Variants in TSPAN9 observed in about 807,000 individuals in gnomAD.
TSPAN9 encodes tetraspanin-9.
A neutral mutation model predicts 31.0 loss-of-function variants in TSPAN9; 16 were observed. The ratio of observed to expected loss-of-function variants is 0.52; its 90% CI spans 0.35 to 0.78. TSPAN9 has a LOEUF of 0.78. TSPAN9 is among the 30% of genes least tolerant of loss of function. The pLI is 0.01. For synonymous variants in TSPAN9, 145 were observed against 121.6 expected (o/e 1.19, Z -1.27); for missense variants, 272 against 312.5 (o/e 0.87, Z 0.98).
intron 2 of TSPAN9, among the ~76,000 whole-genome samples, chr12:3,165,793 C>T (rs1167973634): frequency 6.6e-6 from 1 of 152,214 alleles, no homozygotes; most frequent in Non-Finnish European, 1.5e-5. Flanking sequence ...GTATTCTCGT[C>T]CTGCTGCCTC....
At chr12:3,281,148 A>G in intron 6 of TSPAN9, 50 bp from the exon 7 acceptor site, 1 of 1,547,056 alleles carries the variant, frequency 6.5e-7, no homozygotes, top group African/African-American at 1.4e-5. Context: ...CTGGGGAGGA[A>G]GGGGCGGGCC....
At chr12:3,201,310 C>T (rs1333718367) in intron 3 of TSPAN9, 54 bp downstream of exon 3, 2 of 1,538,502 alleles carry the variant, frequency 1.3e-6, no homozygotes, top group Non-Finnish European at 1.8e-6. Flanking sequence ...TCTTGGCTTA[C>T]CATAGCGTGA....
intron 2 of TSPAN9, chr12:3,151,129 T>G (rs1591649621): frequency 6.6e-6 from 1 of 152,272 alleles, no homozygotes; most frequent in African/African-American, 2.4e-5. Context: ...TAGTGCACTG[T>G]CAGTCACACA....
intron 2 of TSPAN9, among the ~76,000 whole-genome samples, chr12:3,146,366 G>A (rs879446525): frequency 8.6e-5 from 13 of 151,966 alleles, no homozygotes; most frequent in Non-Finnish European, 1.6e-4. Flanking sequence ...TCTGAAAAGA[G>A]GGCTTTTCTT....
chr12:3,118,239 C>A (rs1274939811), intron 2 of TSPAN9, among the ~76,000 whole-genome samples: 1 of 130,640 alleles, frequency 7.7e-6, no homozygotes, highest in African/African-American at 2.9e-5. Context: ...TGATTCCGCA[C>A]CGCCCCTGCA....
intron 3 of TSPAN9, among the ~76,000 whole-genome samples, chr12:3,271,232 A>G (rs759553699): frequency 3.9e-5 from 6 of 152,246 alleles, no homozygotes; most frequent in Non-Finnish European, 7.3e-5. Context: ...GGGGTCCAAC[A>G]GTAATGACCA....
intron 2 of TSPAN9, among the ~76,000 whole-genome samples, chr12:3,118,261 T>TTTTTTTTTTTTTTTTC (rs2098323451): frequency 1.8e-5 from 1 of 54,118 alleles, no homozygotes; most frequent in Non-Finnish European, 3.5e-5. Context: ...CCGCCGTTTT[T>TTTTTTTTTTTTTTTTC]TTTTTTTTTT....
At chr12:3,227,753 T>C (rs1300265361) in intron 3 of TSPAN9, among the ~76,000 whole-genome samples, 1 of 152,144 alleles carries the variant, frequency 6.6e-6, no homozygotes, top group East Asian at 1.9e-4. Context: ...GTGTGCTCAC[T>C]TGCAGCTGGG....
chr12:3,259,784 C>T (rs775240952), intron 3 of TSPAN9, among the ~76,000 whole-genome samples: 3 of 152,166 alleles, frequency 2.0e-5, no homozygotes, highest in African/African-American at 4.8e-5. Context: ...TCTTGTCGGC[C>T]GTGGGAAGGA....
intron 2 of TSPAN9, among the ~76,000 whole-genome samples, chr12:3,120,414 C>T (rs774074106): frequency 6.6e-6 from 1 of 152,182 alleles, no homozygotes; most frequent in Non-Finnish European, 1.5e-5. Flanking sequence ...CCTTGTGCCA[C>T]CAGCAGCCAC....
At chr12:3,174,664 G>A (rs941963339) in intron 2 of TSPAN9, among the ~76,000 whole-genome samples, 4 of 151,960 alleles carry the variant, frequency 2.6e-5, no homozygotes, top group African/African-American at 9.7e-5. Flanking sequence ...CTCACTGCAA[G>A]CTCCGCCTCC....
chr12:3,132,836 G>A (rs12311021), intron 2 of TSPAN9, among the ~76,000 whole-genome samples: 1 of 151,864 alleles, frequency 6.6e-6, no homozygotes, highest in East Asian at 1.9e-4. Flanking sequence ...CAGCCTCATC[G>A]TCCCCACCGC....
intron 3 of TSPAN9, among the ~76,000 whole-genome samples, chr12:3,221,056 G>A (rs960730391): frequency 5.9e-5 from 9 of 152,156 alleles, no homozygotes; most frequent in Non-Finnish European, 1.0e-4. Context: ...CTGTTGGTAC[G>A]GGGAGGAGGG....
intron 2 of TSPAN9, among the ~76,000 whole-genome samples, chr12:3,175,580 C>T (rs2098355090): frequency 6.6e-6 from 1 of 151,660 alleles, no homozygotes; most frequent in Non-Finnish European, 1.5e-5. Flanking sequence ...TCACGGGAGC[C>T]CAGAGCAAGA....
At chr12:3,117,412 G>C (rs1457202086) in intron 2 of TSPAN9, among the ~76,000 whole-genome samples, 2 of 152,188 alleles carry the variant, frequency 1.3e-5, no homozygotes, top group East Asian at 3.9e-4. Context: ...AAGGGGAGGG[G>C]AGAGGAAGTG....
At chr12:3,122,271 T>A (rs1215492314) in intron 2 of TSPAN9, among the ~76,000 whole-genome samples, 1 of 136,116 alleles carries the variant, frequency 7.3e-6, no homozygotes, top group Non-Finnish European at 1.6e-5. Context: ...GAGGTGGAGC[T>A]TGCAGTGAGC....
chr12:3,193,791 C>G (rs1371464811), intron 2 of TSPAN9, among the ~76,000 whole-genome samples: 1 of 152,222 alleles, frequency 6.6e-6, no homozygotes, highest in African/African-American at 2.4e-5. Flanking sequence ...TCAGTCTTCT[C>G]TTTTTTCTAC....
intron 3 of TSPAN9, among the ~76,000 whole-genome samples, chr12:3,269,945 C>T (rs1022670724): frequency 3.9e-5 from 6 of 152,236 alleles, no homozygotes; most frequent in African/African-American, 7.2e-5. Flanking sequence ...GCGGCGGCAG[C>T]GGGAATCGAT....
chr12:3,128,472 C>T (rs549825963), intron 2 of TSPAN9, among the ~76,000 whole-genome samples: 1 of 152,238 alleles, frequency 6.6e-6, no homozygotes, highest in South Asian at 2.1e-4. Context: ...AGCTGTAGTC[C>T]CAGCTACCCA....
Sources: gnomAD v4.1 joint callset for allele counts (sites outside exome capture counted in the v4.1 genomes callset) on GRCh38, gnomAD v4.1.1 for gene constraint, MANE v1.5 for transcripts, NCBI Gene and HGNC (gene_info 2026-07-23, HGNC 2026-07-21) for gene names.